Variants in MROH1 observed in about 807,000 individuals in gnomAD.
MROH1 encodes maestro heat-like repeat-containing protein family member 1.
In MROH1, 117 loss-of-function variants were observed where a neutral mutation model predicts 116.5. That is an observed-to-expected ratio of 1.00 (90% CI 0.86 to 1.17). The LOEUF (loss-of-function observed/expected upper bound fraction) is 1.17. Ranked by LOEUF, MROH1 falls within the 50% of genes most tolerant of loss-of-function variation. MROH1 has a pLI of 0.00. For missense variants in MROH1, 1,873 were observed against 1,338.5 expected, an observed-to-expected ratio of 1.40 and a Z score of -6.23; for synonymous variants, 921 against 583.9, an observed-to-expected ratio of 1.58 and a Z score of -8.32.
chr8:144,160,571 G>A (rs551295815), intron 1 of MROH1, among the ~76,000 whole-genome samples: 2 of 151,918 alleles, frequency 1.3e-5, no homozygotes, highest in South Asian at 4.2e-4. Context: ...GGGTCCCACC[G>A]GCTAGAACCC....
intron 12 of MROH1, among the ~76,000 whole-genome samples, chr8:144,215,939 C>T (rs1835156272): frequency 6.6e-6 from 1 of 151,618 alleles, no homozygotes; most frequent in South Asian, 2.1e-4. Flanking sequence ...GTAATCCCAG[C>T]ACTTTGGGAG....
At chr8:144,255,047 G>T in intron 34 of MROH1, 69 bp downstream of exon 34, 1 of 686,900 alleles carries the variant, frequency 1.5e-6, no homozygotes, top group Non-Finnish European at 2.7e-6. Context: ...CCCGGGGGCA[G>T]GCCTTTTGAT....
intron 22 of MROH1, 151 bp from the exon 23 acceptor site, chr8:144,242,218 T>G: frequency 1.3e-6 from 1 of 742,142 alleles, no homozygotes; most frequent in Admixed American, 1.8e-5. Flanking sequence ...CAGATTCAGG[T>G]GGTGCCGTGC....
intron 19 of MROH1, 82 bp downstream of exon 19, chr8:144,240,235 C>A (rs1361923650): frequency 2.1e-5 from 14 of 662,222 alleles, no homozygotes; most frequent in Non-Finnish European, 3.6e-5. Context: ...GGCTGGGCCA[C>A]CTGCCTCGAC....
chr8:144,183,928 T>C lies in MROH1; in HGVS notation c.562+3405T>C, dbSNP rs188677337. The stretch of plus-strand genomic sequence containing the variant: ...TCCCAAAGTGCTGGGATTACAGGCA[T>C]GGACCACCGCGCCTGGCCAGACAAG... On this transcript the variant is annotated intron_variant, in intron 7 of 43. Transcript: ENST00000326134. Among the ~76,000 whole-genome samples the C allele has an allele frequency of 7.4e-4, 112 of 152,216 alleles. 1 individual carries two copies. The highest frequency in any genetic ancestry group is 6.0e-3 in the Admixed American group (91 of 15,278).
chr8:144,211,019 G>A (rs1204674801), intron 12 of MROH1, among the ~76,000 whole-genome samples: 2 of 152,108 alleles, frequency 1.3e-5, no homozygotes, highest in African/African-American at 4.8e-5. Flanking sequence ...TAAGCTACAG[G>A]TTCCCCTCCG....
At chr8:144,254,710 T>C in intron 33 of MROH1, 103 bp from the exon 34 acceptor site, 1 of 640,654 alleles carries the variant, frequency 1.6e-6, no homozygotes. Context: ...GCCTGGTGGC[T>C]GTGTCTGAGC....
intron 1 of MROH1, among the ~76,000 whole-genome samples, chr8:144,157,125 T>G (rs1818347959): frequency 6.6e-6 from 1 of 152,056 alleles, no homozygotes; most frequent in African/African-American, 2.4e-5. Context: ...CCAGCTAATT[T>G]TTTTGTATTT....
At chr8:144,186,119 A>AT (rs1223385974) in intron 7 of MROH1, among the ~76,000 whole-genome samples, 1 of 71,832 alleles carries the variant, frequency 1.4e-5, no homozygotes, top group South Asian at 7.2e-4. Context: ...GACAGTTTCC[A>AT]ATTTTTTTTT....
chr8:144,260,107 C>A, intron 38 of MROH1, 50 bp downstream of exon 38: 1 of 743,872 alleles, frequency 1.3e-6, no homozygotes, highest in Admixed American at 1.8e-5. Flanking sequence ...GGGTGGGGGG[C>A]TGTGCATGGA....
At chr8:144,217,035 T>G (rs1056193442) in intron 12 of MROH1, among the ~76,000 whole-genome samples, 12 of 152,172 alleles carry the variant, frequency 7.9e-5, no homozygotes, top group African/African-American at 2.4e-4. Context: ...TGATTGCTTA[T>G]TGAGCTGGGT....
At chr8:144,185,296 C>T (rs904872167) in intron 7 of MROH1, among the ~76,000 whole-genome samples, 1 of 152,100 alleles carries the variant, frequency 6.6e-6, no homozygotes, top group Admixed American at 6.6e-5. Context: ...CAAGTTTTGT[C>T]GTTACTGTGG....
rs991690904 is a variant in MROH1 at position 144,260,022 on chromosome 8, G to A, written c.4156G>A (p.Gly1386Ser). 3.4e-5 allele frequency: 25 copies of A among 726,398 alleles called. No homozygotes were observed. The highest frequency in any genetic ancestry group is 5.2e-5 in the African/African-American group (3 of 57,858). The allele number at this position is 726,398 out of a possible 1,614,324, so 45.0% of individuals were successfully genotyped here. The change falls in exon 38 of 44, where the codon GGC (glycine) becomes AGC (serine). Residue 1386 changes from glycine (G) to serine (S), a missense_variant. Gly to Ser is a moderately conservative substitution (Grantham distance 56). Coordinates refer to ENST00000326134, the MANE Select transcript of MROH1 (RefSeq NM_032450.3). ...CAGCGTGCGGAGGCTGGTGCTCCGC[G>A]GCCTGGCCAACCTGGCCTCCGGCTG... Reference protein sequence around the residue: ...CASVRRLVLRGLANLASGCPD... With the variant: ...CASVRRLVLRSLANLASGCPD...
intron 11 of MROH1, among the ~76,000 whole-genome samples, chr8:144,199,758 C>G (rs556784258): frequency 6.6e-6 from 1 of 152,108 alleles, no homozygotes; most frequent in East Asian, 1.9e-4. Flanking sequence ...CAACATCTCC[C>G]TGGAGCTGGT....
intron 3 of MROH1, among the ~76,000 whole-genome samples, chr8:144,166,135 T>A (rs1297264003): frequency 6.6e-6 from 1 of 152,172 alleles, no homozygotes; most frequent in Non-Finnish European, 1.5e-5. Context: ...CACCTTGGTC[T>A]CCCAAAGTGC....
rs1297395290 is a variant in MROH1, at chr8:144,200,531, C to T, written c.1131C>T (p.Ile377=). The change falls in exon 12 of 44, where the codon ATC becomes ATT. Residue 377 remains isoleucine (I), a synonymous_variant. Coordinates refer to ENST00000326134, the MANE Select transcript of MROH1 (RefSeq NM_032450.3). ...VGTLQVVRHV[I]NSAAAQMEDK... ...CCCTGCAGGTGGTCAGACATGTCATCAACTCAGCTGGTGAGTGCCTCCATG... is the reference window on the plus strand; with the variant it reads ...CCCTGCAGGTGGTCAGACATGTCATTAACTCAGCTGGTGAGTGCCTCCATG... The T allele has an allele frequency of 6.4e-7, 1 of 1,550,566 alleles. No homozygotes were observed. The highest frequency in any genetic ancestry group is 1.4e-5 in the African/African-American group (1 of 73,190).
chr8:144,213,305 T>A, intron 12 of MROH1: 1 of 504,346 alleles, frequency 2.0e-6, no homozygotes, highest in Non-Finnish European at 3.5e-6. Flanking sequence ...ATCTTCGACC[T>A]CATGCTTGCT....
chr8:144,191,753 C>T lies in MROH1; in HGVS notation c.753C>T (p.Ser251=). The T allele has an allele frequency of 6.2e-7, 1 of 1,613,034 alleles. No homozygotes were observed. Among genetic ancestry groups the T allele is most frequent in the Admixed American group, 1.7e-5 (1 of 59,924 alleles). ...LAVVEALGPM[S]HLLPSERLEE... ...TGGTGGAGGCTCTGGGGCCTATGAG[C>T]CATCTGCTGCCCAGTGAGAGGCTGG... The change falls in exon 9 of 44, where the codon AGC becomes AGT. Residue 251 remains serine, a synonymous_variant. Transcript: ENST00000326134.
intron 2 of MROH1, among the ~76,000 whole-genome samples, chr8:144,161,677 A>G (rs1587764405): frequency 6.6e-6 from 1 of 152,146 alleles, no homozygotes; most frequent in African/African-American, 2.4e-5. Context: ...CTGGGCCGGG[A>G]GCAGGCAAGT....
Sources: gnomAD v4.1 joint callset for allele counts (sites outside exome capture counted in the v4.1 genomes callset) on GRCh38, gnomAD v4.1.1 for gene constraint, MANE v1.5 for transcripts, NCBI Gene and HGNC (gene_info 2026-07-23, HGNC 2026-07-21) for gene names.